Variants in GRIK1 observed in about 807,000 individuals in gnomAD.
The protein encoded by GRIK1 is glutamate ionotropic receptor kainate type subunit 1.
Under a neutral mutation model 105.7 loss-of-function variants are expected in GRIK1, and 69 were observed. The observed-to-expected ratio is 0.65, with a 90% CI of 0.54 to 0.80. The LOEUF is 0.80. GRIK1 is among the 30% of genes least tolerant of loss of function. The probability of loss-of-function intolerance (pLI) is 0.00; values close to 1 mark genes in which losing one functional copy is unlikely to be tolerated. For synonymous variants in GRIK1, 438 were observed against 431.3 expected (o/e 1.02, Z -0.19); for missense variants, 1,109 against 1,167.3 (o/e 0.95, Z 0.73).
At chr21:29,673,659 T>C (rs758992045) in intron 3 of GRIK1, among the ~76,000 whole-genome samples, 5 of 152,222 alleles carry the variant, frequency 3.3e-5, no homozygotes, top group Non-Finnish European at 7.3e-5. Flanking sequence ...CTTTATATAA[T>C]CTTTCAGTTC....
intron 16 of GRIK1, among the ~76,000 whole-genome samples, chr21:29,549,353 A>G (rs562180188): frequency 6.6e-6 from 1 of 152,316 alleles, no homozygotes; most frequent in South Asian, 2.1e-4. Context: ...TGGGGAAAAA[A>G]ATGTAAGAAA....
chr21:29,892,382 T>C (rs921264210), intron 1 of GRIK1, among the ~76,000 whole-genome samples: 4 of 152,158 alleles, frequency 2.6e-5, no homozygotes, highest in African/African-American at 9.7e-5. Flanking sequence ...AAGCAGGCAG[T>C]GAGGAGATGT....
intron 1 of GRIK1, among the ~76,000 whole-genome samples, chr21:29,749,779 A>G (rs1465675426): frequency 6.6e-6 from 1 of 152,228 alleles, no homozygotes; most frequent in East Asian, 1.9e-4. Context: ...CAACTATAAA[A>G]TTTATTATCT....
rs138526465 is a variant in GRIK1, at chr21:29,805,596, T to C, written c.119-111533A>G. On this transcript the variant is annotated intron_variant, in intron 1 of 17. Coordinates refer to ENST00000327783, the MANE Select transcript of GRIK1 (RefSeq NM_001330994.2). ...AGTGGGGTGAGAATTAGGTACTTTATAAAGCTAAATTAATTCCAGTCAATA... is the reference window on the plus strand; with the variant it reads ...AGTGGGGTGAGAATTAGGTACTTTACAAAGCTAAATTAATTCCAGTCAATA... Among the ~76,000 whole-genome samples, 1,186 of 152,272 alleles carry C rather than the reference T, an allele frequency of 7.8e-3. 19 individuals are homozygous for C. Among genetic ancestry groups the C allele is most frequent in the African/African-American group, 0.026 (1,080 of 41,556 alleles).
Position 29,939,655 on chromosome 21 carries a change from G to A in GRIK1, c.-155C>T, listed in dbSNP as rs1026990182. ...ACGGAGCGAGCTCGAGGGAACCCGC[G>A]TGGGACCGCGGAGCTGGCTGGCAAG... On this transcript the variant is annotated 5_prime_UTR_variant, in exon 1 of 18. The change creates a new upstream start codon in the 5' untranslated region. Transcript: ENST00000327783. 5.6e-6 allele frequency: 3 copies of A among 536,312 alleles called. No individual in the cohort carries two copies. The highest frequency in any genetic ancestry group is 4.0e-5 in the African/African-American group (2 of 49,712). The allele number at this position is 536,312 out of a possible 1,614,324, so 33.2% of individuals were successfully genotyped here.
chr21:29,751,178 C>T lies in GRIK1; in HGVS notation c.119-57115G>A, dbSNP rs149214620. Among the ~76,000 whole-genome samples the T allele has an allele frequency of 1.8e-3, 275 of 152,270 alleles. 1 individual carries two copies. The highest frequency in any genetic ancestry group is 0.015 in the Admixed American group (224 of 15,286). On this transcript the variant is annotated intron_variant, in intron 1 of 17. Transcript: ENST00000327783. ...TTACTTCAGGCCATCTGGATGTATA[C>T]GTGCAGGTCACAGGGGATATGATGG...
intron 1 of GRIK1, among the ~76,000 whole-genome samples, chr21:29,729,627 A>G (rs934320710): frequency 1.1e-4 from 16 of 152,184 alleles, no homozygotes; most frequent in Non-Finnish European, 2.4e-4. Flanking sequence ...GCTGTGATGT[A>G]AGAACAATGG....
At chr21:29,835,112 C>T (rs1032945455) in intron 1 of GRIK1, among the ~76,000 whole-genome samples, 1 of 152,108 alleles carries the variant, frequency 6.6e-6, no homozygotes. Flanking sequence ...GCACTTAACT[C>T]AATATTATTT....
rs1177067242 is a variant in GRIK1 at position 29,689,808 on chromosome 21, G to T, written c.464C>A (p.Ala155Glu). Residue 155 changes from alanine (A) to glutamate (E), a missense_variant, in exon 3 of 18, where the codon GCA becomes GAA. Transcript: ENST00000327783. ...LFYINLYPDY[A>E]AISRAILDLV... ...ATCCAGGATCGCCCTGCTGATAGCT[G>T]CATAATCTGGGTAAAGGTTGATGTA... The T allele has an allele frequency of 6.2e-7, 1 of 1,613,432 alleles. No homozygotes were observed. Among genetic ancestry groups the T allele is most frequent in the Non-Finnish European group, 8.5e-7 (1 of 1,179,486 alleles).
Position 29,645,488 on chromosome 21 carries a change from G to T in GRIK1, c.955-2519C>A, listed in dbSNP as rs114817798. Among the ~76,000 whole-genome samples the T allele has an allele frequency of 5.8e-3, 884 of 152,250 alleles. 3 individuals carry two copies. Among genetic ancestry groups the T allele is most frequent in the African/African-American group, 0.02 (842 of 41,554 alleles). On this transcript the variant is annotated intron_variant, in intron 6 of 17. Transcript: ENST00000327783. ...AGAAAGGATGGGCATTCTTTCTCAA[G>T]GCGGGCTCCATATTGGGAAAGGCAA... is the stretch of plus-strand genomic sequence containing the variant.
At chr21:29,564,179 G>T (rs909270831) in intron 14 of GRIK1, among the ~76,000 whole-genome samples, 15 of 151,600 alleles carry the variant, frequency 9.9e-5, no homozygotes, top group Non-Finnish European at 1.8e-4. Flanking sequence ...ACGGAGTCTC[G>T]CTCTGTCGCC....
chr21:29,763,757 T>C (rs2065588453), intron 1 of GRIK1: 1 of 152,192 alleles, frequency 6.6e-6, no homozygotes, highest in African/African-American at 2.4e-5. Flanking sequence ...CAGTGAAACA[T>C]TGCCTTAGAA....
chr21:29,785,662 G>A (rs1163042266), intron 1 of GRIK1, among the ~76,000 whole-genome samples: 2 of 151,764 alleles, frequency 1.3e-5, no homozygotes, highest in Admixed American at 6.6e-5. Flanking sequence ...CAGAAAGTGC[G>A]TGTTCCTTAT....
Position 29,550,391 on chromosome 21 carries a change from A to G in GRIK1, c.2607+4661T>C, listed in dbSNP as rs974988918. ...ATAGGATTAGTGGCTCTACCTCTGC[A>G]ATCAATCAAGCAATCAACAGCAATG... is the stretch of plus-strand genomic sequence containing the variant. On this transcript the variant is annotated intron_variant, in intron 16 of 17. Coordinates refer to ENST00000327783, the MANE Select transcript of GRIK1 (RefSeq NM_001330994.2). Among the ~76,000 whole-genome samples the G allele has an allele frequency of 2.6e-5, 4 of 152,330 alleles. No individual in the cohort carries two copies. The East Asian group carries it at 7.7e-4, about 29-fold the overall frequency.
chr21:29,839,998 G>A (rs1026925704), intron 1 of GRIK1, among the ~76,000 whole-genome samples: 11 of 152,120 alleles, frequency 7.2e-5, no homozygotes, highest in African/African-American at 1.9e-4. Flanking sequence ...ACATTATCAC[G>A]AACTATTTTA....
At chr21:29,782,723 G>A (rs1014440135) in intron 1 of GRIK1, among the ~76,000 whole-genome samples, 12 of 152,164 alleles carry the variant, frequency 7.9e-5, no homozygotes, top group East Asian at 3.9e-4. Flanking sequence ...TTTTCCTAAC[G>A]ATGACATGGA....
intron 1 of GRIK1, among the ~76,000 whole-genome samples, chr21:29,714,584 C>G (rs76375173): frequency 0.011 from 1,621 of 152,224 alleles, 20 homozygotes; most frequent in African/African-American, 0.037. Flanking sequence ...TATCTACCTA[C>G]CCAGTAGTCT....
intron 7 of GRIK1, among the ~76,000 whole-genome samples, chr21:29,617,888 A>G (rs938005135): frequency 2.0e-4 from 30 of 152,308 alleles, no homozygotes; most frequent in African/African-American, 7.0e-4. Flanking sequence ...ATGTTTATTT[A>G]AAGTCTGTTT....
chr21:29,919,968 A>T (rs1394236392), intron 1 of GRIK1, among the ~76,000 whole-genome samples: 1 of 152,158 alleles, frequency 6.6e-6, no homozygotes, highest in Non-Finnish European at 1.5e-5. Flanking sequence ...GTGTTCTTTG[A>T]CAAGGAATGG....
Sources: gnomAD v4.1 joint callset for allele counts (sites outside exome capture counted in the v4.1 genomes callset) on GRCh38, gnomAD v4.1.1 for gene constraint, MANE v1.5 for transcripts, NCBI Gene and HGNC (gene_info 2026-07-23, HGNC 2026-07-21) for gene names.